SH3D19: variants seen among roughly 807,000 people sequenced by gnomAD.
SH3D19 encodes the protein SH3 domain containing 19.
SH3D19 carries 58 observed loss-of-function variants against 112.1 expected under a neutral mutation model. That is an observed-to-expected ratio of 0.52 (90% CI 0.42 to 0.64). The LOEUF is 0.64. Ranked by LOEUF, SH3D19 falls within the 30% of genes least tolerant of loss-of-function variation. SH3D19 has a pLI of 0.00. For missense variants in SH3D19, 1,090 were observed against 1,263.4 expected, an observed-to-expected ratio of 0.86 and a Z score of 2.08; for synonymous variants, 391 against 448.5, an observed-to-expected ratio of 0.87 and a Z score of 1.62.
At chr4:151,301,457 C>A (rs576170415) in intron 1 of SH3D19, among the ~76,000 whole-genome samples, 2 of 152,272 alleles carry the variant, frequency 1.3e-5, no homozygotes, top group East Asian at 3.9e-4. Flanking sequence ...CAACTCCCAA[C>A]CTCAGGTGAT....
chr4:151,239,866 G>A (rs746110553), intron 1 of SH3D19, among the ~76,000 whole-genome samples: 1 of 152,148 alleles, frequency 6.6e-6, no homozygotes, highest in Admixed American at 6.5e-5. Context: ...TCAAAGGTAT[G>A]GCAGCTGAAA....
Position 151,263,790 on chromosome 4 carries a change from T to TTTG in SH3D19, c.113-37707_113-37705dup, listed in dbSNP as rs145008066. ...AACACCCAAAATGGAAGCTACAGTTTTTGTTGTTGTTGTTGTTGTTGTTGT... is the reference window on the plus strand; with the variant it reads ...AACACCCAAAATGGAAGCTACAGTTTTTGTTGTTGTTGTTGTTGTTGTTGTTGT... On this transcript the variant is annotated intron_variant, in intron 1 of 19. Transcript: ENST00000604030. 1.4e-3 allele frequency among the ~76,000 whole-genome samples: 207 copies of TTTG among 151,066 alleles called. 1 individual carries two copies. The highest frequency in any genetic ancestry group is 2.0e-3 in the East Asian group (10 of 5,102).
chr4:151,162,794 T>C (rs1258178312), intron 8 of SH3D19, among the ~76,000 whole-genome samples: 2 of 152,056 alleles, frequency 1.3e-5, no homozygotes, highest in Admixed American at 1.3e-4. Context: ...AGGCTGATCT[T>C]GAACTCCTGA....
intron 7 of SH3D19, among the ~76,000 whole-genome samples, chr4:151,170,101 A>G (rs933180336): frequency 3.3e-5 from 5 of 152,196 alleles, no homozygotes; most frequent in African/African-American, 4.8e-5. Context: ...AATTTCTGGA[A>G]AAAGTCCATT....
chr4:151,324,355 T>C (rs992961289), intron 1 of SH3D19, among the ~76,000 whole-genome samples: 2 of 152,214 alleles, frequency 1.3e-5, no homozygotes, highest in South Asian at 2.1e-4. Context: ...CACTTTATAA[T>C]GAGGCTCTCA....
chr4:151,195,071 TAA>T (rs35607961), intron 2 of SH3D19, among the ~76,000 whole-genome samples: 9 of 123,352 alleles, frequency 7.3e-5, no homozygotes, highest in Admixed American at 2.5e-4. Context: ...AAGACCATCT[TAA>T]AAAAAAAAAA....
intron 2 of SH3D19, among the ~76,000 whole-genome samples, chr4:151,195,304 G>A (rs1197342711): frequency 2.0e-5 from 3 of 147,876 alleles, no homozygotes; most frequent in South Asian, 2.1e-4. Flanking sequence ...CCCAGCAGGC[G>A]GAGCGTGCAG....
At chr4:151,279,181 G>A in intron 1 of SH3D19, 1 of 343,660 alleles carries the variant, frequency 2.9e-6, no homozygotes, top group Non-Finnish European at 5.5e-6. Flanking sequence ...GAGTATACAG[G>A]TCACCAGCAC....
intron 2 of SH3D19, among the ~76,000 whole-genome samples, chr4:151,207,223 A>G (rs905520814): frequency 6.6e-6 from 1 of 152,198 alleles, no homozygotes; most frequent in Non-Finnish European, 1.5e-5. Context: ...GTTCAAAGCT[A>G]TGGAAAAAAA....
chr4:151,300,561 G>A (rs758784479), intron 1 of SH3D19: 2 of 151,344 alleles, frequency 1.3e-5, no homozygotes, highest in Admixed American at 6.6e-5. Context: ...GAAAGATACC[G>A]AGATTAGCAT....
At chr4:151,322,468 T>C (rs1413158842) in intron 1 of SH3D19, among the ~76,000 whole-genome samples, 1 of 145,130 alleles carries the variant, frequency 6.9e-6, no homozygotes, top group African/African-American at 2.6e-5. Flanking sequence ...TTTCCTGAAT[T>C]GACCTCAGTA....
chr4:151,278,165 C>T (rs1026322747), intron 1 of SH3D19, among the ~76,000 whole-genome samples: 3 of 152,218 alleles, frequency 2.0e-5, no homozygotes, highest in Admixed American at 2.0e-4. Context: ...AAACAGCTTG[C>T]AACCTCAACC....
chr4:151,167,772 C>T (rs960448745), intron 7 of SH3D19, among the ~76,000 whole-genome samples: 21 of 150,652 alleles, frequency 1.4e-4, no homozygotes, highest in Non-Finnish European at 3.0e-4. Flanking sequence ...CTGGCCACCC[C>T]GTCTGGGAAG....
At position 151,228,040 on chromosome 4, in the gene SH3D19, C is replaced by G. The variant is rs1025696455; in HGVS notation, c.113-1954G>C. 4.1e-6 allele frequency: 4 copies of G among 985,250 alleles called. No individual in the cohort carries two copies. In the African/African-American group the frequency reaches 7.0e-5, roughly 17 times the overall value. The allele number at this position is 985,250 out of a possible 1,614,324, so 61.0% of individuals were successfully genotyped here. A position where few individuals can be genotyped will look rare whatever the true frequency, so the allele number is the denominator to read the frequency against. ...CAGGAAGCAAATGGCTCACAGCTCT[C>G]CTTCGTTCTTGGTTAAAACAGGAAA... is the stretch of plus-strand genomic sequence containing the variant. On this transcript the variant is annotated intron_variant, in intron 1 of 19. Coordinates refer to ENST00000604030, the MANE Select transcript of SH3D19 (RefSeq NM_001378122.1).
At chr4:151,237,444 G>A (rs1283545876) in intron 1 of SH3D19, among the ~76,000 whole-genome samples, 2 of 152,208 alleles carry the variant, frequency 1.3e-5, no homozygotes, top group African/African-American at 4.8e-5. Context: ...CTACTACTGG[G>A]GTGTGCCTGC....
chr4:151,223,365 A>C (rs941529338), intron 2 of SH3D19, among the ~76,000 whole-genome samples: 3 of 151,868 alleles, frequency 2.0e-5, no homozygotes, highest in African/African-American at 7.3e-5. Context: ...CATTATCATC[A>C]TTTTTTTTGG....
Position 151,127,634 on chromosome 4 carries a change from T to C in SH3D19, c.3011A>G (p.Asp1004Gly). 6.2e-7 allele frequency: 1 copy of C among 1,600,826 alleles called. No homozygotes were observed. Among genetic ancestry groups the C allele is most frequent in the Non-Finnish European group, 8.5e-7 (1 of 1,175,000 alleles). The change falls in exon 19 of 20, where the codon GAT (aspartate) becomes GGT (glycine). Residue 1004 changes from aspartate to glycine, a missense_variant. Coordinates refer to ENST00000604030, the MANE Select transcript of SH3D19 (RefSeq NM_001378122.1). ...CATTCTGACCTTGAAGGAAAGTTCA[T>C]CTTCATTCTCCCCTCGGAAATCATA... is the stretch of plus-strand genomic sequence containing the variant. ...ALYDFRGENEDELSFKAGDII... is the reference protein window; with the variant it reads ...ALYDFRGENEGELSFKAGDII...
chr4:151,178,059 C>T (rs1760232114), intron 4 of SH3D19, among the ~76,000 whole-genome samples: 1 of 152,204 alleles, frequency 6.6e-6, no homozygotes, highest in African/African-American at 2.4e-5. Flanking sequence ...ACTACAGGCA[C>T]ATGCCACCAT....
chr4:151,312,900 C>CA lies in SH3D19; in HGVS notation c.112+12340dup, dbSNP rs1227911321. Among the ~76,000 whole-genome samples the CA allele has an allele frequency of 7.8e-3, 963 of 124,070 alleles. 9 individuals carry two copies. Among genetic ancestry groups the CA allele is most frequent in the African/African-American group, 0.023 (824 of 35,162 alleles). 81.4% of individuals were successfully genotyped at this position (124,070 alleles called of 152,430 possible). On this transcript the variant is annotated intron_variant, in intron 1 of 19. Transcript: ENST00000604030. ...TGGGTGACAGAGCAAGACTCCATCTCAAAAAAAAAAAAAATAAATAAAATA... is the reference window on the plus strand; with the variant it reads ...TGGGTGACAGAGCAAGACTCCATCTCAAAAAAAAAAAAAAATAAATAAAATA...
Sources: gnomAD v4.1 joint callset for allele counts (sites outside exome capture counted in the v4.1 genomes callset) on GRCh38, gnomAD v4.1.1 for gene constraint, MANE v1.5 for transcripts, NCBI Gene and HGNC (gene_info 2026-07-23, HGNC 2026-07-21) for gene names.